The following PRRC2C variants were observed in gnomAD, a reference collection of about 807,000 sequenced individuals.
PRRC2C encodes protein PRRC2C.
Under a neutral mutation model 317.2 loss-of-function variants are expected in PRRC2C, and 72 were observed. That is an observed-to-expected ratio of 0.23 (90% confidence interval 0.19 to 0.28). The LOEUF is 0.28. PRRC2C is among the 10% of genes least tolerant of loss of function. The pLI, the probability that PRRC2C is intolerant of heterozygous loss-of-function variation, is 1.00. For synonymous variants in PRRC2C, 1,296 were observed against 1,205.9 expected (o/e 1.07, Z -1.55); for missense variants, 3,074 against 3,459.7 (o/e 0.89, Z 2.80).
chr1:171,496,487 G>T (rs151048369), intron 1 of PRRC2C, among the ~76,000 whole-genome samples: 1 of 152,178 alleles, frequency 6.6e-6, no homozygotes, highest in Non-Finnish European at 1.5e-5. Context: ...ACAGATGTGA[G>T]CCACTGCGCC....
chr1:171,557,771 G>A lies in PRRC2C; in HGVS notation c.5659G>A (p.Ala1887Thr), dbSNP rs12025905. 231,682 of 1,550,894 alleles carry A rather than the reference G, an allele frequency of 0.15. 17,946 individuals carry two copies. Among genetic ancestry groups the A allele is most frequent in the Non-Finnish European group, 0.16 (184,823 of 1,146,832 alleles). The change falls in exon 19 of 35, where the codon GCC becomes ACC. Residue 1887 changes from alanine (A) to threonine (T), a missense_variant. Physicochemically the swap from Ala to Thr is moderately conservative, Grantham distance 58 (BLOSUM62 0). Around this residue, in one of 11 missense-constraint regions of PRRC2C, gnomAD observed 640 missense variants for 676.1 expected, o/e 0.95. Coordinates refer to ENST00000647382, the MANE Select transcript of PRRC2C (RefSeq NM_001387844.1). ...AGCCCCAGCAGCCTCTTCCCCAGCT[G>A]CCCCAGTCATCACAGCACCAACTAT... ...TPAPAASSPA[A>T]PVITAPTIPA...
chr1:171,500,088 A>G (rs1668814294), intron 1 of PRRC2C, among the ~76,000 whole-genome samples: 1 of 152,178 alleles, frequency 6.6e-6, no homozygotes, highest in Non-Finnish European at 1.5e-5. Context: ...TTCCAGGGGA[A>G]CTGAACTCTC....
In PRRC2C at chr1:171,587,069, A is replaced by G. The variant is rs1464747827; in HGVS notation, c.7816A>G (p.Ile2606Val). Residue 2606 changes from isoleucine to valine, a missense_variant, in exon 31 of 35, where the codon ATT (isoleucine) becomes GTT (valine). Physicochemically the swap from Ile to Val is conservative, Grantham distance 29. Transcript: ENST00000647382. Reference protein sequence around the residue: ...PNFGSTGQPLIALPQTLQPPL... With the variant: ...PNFGSTGQPLVALPQTLQPPL... ...TTTTGGATCTACAGGGCAACCTCTAATTGCTTTGCCTCAGACTCTTCAGCC... is the reference window on the plus strand; with the variant it reads ...TTTTGGATCTACAGGGCAACCTCTAGTTGCTTTGCCTCAGACTCTTCAGCC... 2.2e-5 allele frequency: 36 copies of G among 1,612,174 alleles called. No homozygotes were observed. Among genetic ancestry groups the G allele is most frequent in the Non-Finnish European group, 3.1e-5 (36 of 1,179,200 alleles).
intron 9 of PRRC2C, 120 bp from the exon 10 acceptor site, chr1:171,524,701 T>G: frequency 1.9e-6 from 2 of 1,032,490 alleles, no homozygotes; most frequent in Non-Finnish European, 2.7e-6. Flanking sequence ...CCCATCTCAT[T>G]CCTTAATACA....
chr1:171,577,464 G>A lies in PRRC2C; in HGVS notation c.6986G>A (p.Ser2329Asn). The A allele has an allele frequency of 6.2e-7, 1 of 1,611,850 alleles. No individual in the cohort carries two copies. Among genetic ancestry groups the A allele is most frequent in the Non-Finnish European group, 8.5e-7 (1 of 1,178,346 alleles). ...GAGTYTTSSLSTKSTTTSDPP... is the reference protein window; with the variant it reads ...GAGTYTTSSLNTKSTTTSDPP... ...GGTACATACACTACCTCTTCTTTGA[G>A]CACAAAATCTACAACCACATCGGAC... The change falls in exon 26 of 35, where the codon AGC becomes AAC. Residue 2329 changes from serine to asparagine, a missense_variant. This residue lies in a region of PRRC2C where 490 missense variants were observed against 663.1 expected (regional missense o/e 0.74). Transcript: ENST00000647382.
Position 171,541,856 on chromosome 1 carries a change from A to G in PRRC2C, c.4390A>G (p.Asn1464Asp). 6.2e-7 allele frequency: 1 copy of G among 1,613,880 alleles called. No individual in the cohort carries two copies. Among genetic ancestry groups the G allele is most frequent in the South Asian group, 1.1e-5 (1 of 91,074 alleles). ...AGCAGTGCCCACAAATGGCACAGTT[A>G]ATAATGTGGCTCAAGAACCAGTTAA... ...VVAVPTNGTVNNVAQEPVNTL... is the reference protein window; with the variant it reads ...VVAVPTNGTVDNVAQEPVNTL... The change falls in exon 16 of 35, where the codon AAT becomes GAT. Residue 1464 changes from asparagine (N) to aspartate (D), a missense_variant. Asn to Asp is a conservative substitution (Grantham distance 23). Coordinates refer to ENST00000647382, the MANE Select transcript of PRRC2C (RefSeq NM_001387844.1). This position sits in a 1 kb window ranked among gnomAD's most constrained non-coding sequence, Gnocchi z 4.1.
intron 1 of PRRC2C, chr1:171,510,913 T>A (rs968124109): frequency 6.6e-6 from 1 of 152,196 alleles, no homozygotes; most frequent in African/African-American, 2.4e-5. Context: ...GAGGTGAGAA[T>A]GCCTGATAAA....
intron 28 of PRRC2C, among the ~76,000 whole-genome samples, chr1:171,580,209 A>C (rs1027358815): frequency 2.6e-5 from 4 of 152,186 alleles, no homozygotes; most frequent in African/African-American, 9.7e-5. Context: ...GCAACCCCAA[A>C]ACTGTTAGAA....
intron 20 of PRRC2C, among the ~76,000 whole-genome samples, chr1:171,565,940 C>T (rs1683566521): frequency 6.6e-6 from 1 of 152,078 alleles, no homozygotes; most frequent in African/African-American, 2.4e-5. Context: ...GTTGCTTTTA[C>T]GTTTGTTTTA....
In PRRC2C at chr1:171,540,141, A is replaced by G; in HGVS notation, c.2675A>G (p.Asn892Ser). Residue 892 changes from asparagine to serine, a missense_variant, in exon 16 of 35, where the codon AAT becomes AGT. Physicochemically the swap from Asn to Ser is conservative, Grantham distance 46. This residue lies in a region of PRRC2C where 1,320 missense variants were observed against 1,395.7 expected (regional missense o/e 0.95). Coordinates refer to ENST00000647382, the MANE Select transcript of PRRC2C (RefSeq NM_001387844.1). ...EDVRPHHTDA[N>S]NQSACFEAPD... is the part of the protein sequence containing the mutation. ...GTTAGACCTCACCATACTGATGCAA[A>G]TAATCAGTCTGCTTGTTTTGAAGCA... 1.2e-6 allele frequency: 2 copies of G among 1,613,936 alleles called. No individual in the cohort carries two copies. The highest frequency in any genetic ancestry group is 2.2e-5 in the South Asian group (2 of 91,070).
intron 19 of PRRC2C, among the ~76,000 whole-genome samples, chr1:171,558,660 G>A (rs890417514): frequency 6.6e-6 from 1 of 152,156 alleles, no homozygotes; most frequent in African/African-American, 2.4e-5. Context: ...TAAATGTTTT[G>A]TGTGTTCTGA....
At chr1:171,488,011 C>T (rs1666442035) in intron 1 of PRRC2C, among the ~76,000 whole-genome samples, 1 of 56,616 alleles carries the variant, frequency 1.8e-5, no homozygotes, top group African/African-American at 6.0e-5. Flanking sequence ...GAAGTTCTGG[C>T]TCATTCCAGC....
At chr1:171,521,059 C>T (rs1673463508) in intron 6 of PRRC2C, among the ~76,000 whole-genome samples, 2 of 152,052 alleles carry the variant, frequency 1.3e-5, no homozygotes, top group African/African-American at 2.4e-5. Context: ...CCGCTTCGGC[C>T]TCCCAAAGTG....
intron 11 of PRRC2C, 94 bp downstream of exon 11, chr1:171,527,938 A>G (rs1235447713): frequency 3.0e-6 from 3 of 1,007,410 alleles, no homozygotes; most frequent in Non-Finnish European, 4.5e-6. Context: ...AACTTTTATG[A>G]AACAGTTACT....
In PRRC2C at chr1:171,540,053, G is replaced by A. The variant is rs963494016; in HGVS notation, c.2587G>A (p.Asp863Asn). ...HNQLEAHPKADFIRESSEAQV... is the reference protein window; with the variant it reads ...HNQLEAHPKANFIRESSEAQV... Reference sequence around the variant, plus strand: ...TCAATTAGAGGCTCACCCAAAGGCAGACTTTATCAGAGAATCAAGTGAGGC... The same window carrying A: ...TCAATTAGAGGCTCACCCAAAGGCAAACTTTATCAGAGAATCAAGTGAGGC... Residue 863 changes from aspartate to asparagine, a missense_variant, in exon 16 of 35, where the codon GAC (aspartate) becomes AAC (asparagine). Physicochemically the swap from Asp to Asn is conservative, Grantham distance 23. This residue lies in a region of PRRC2C where 1,320 missense variants were observed against 1,395.7 expected (regional missense o/e 0.95). Transcript: ENST00000647382. 1.2e-6 allele frequency: 2 copies of A among 1,613,838 alleles called. No homozygotes were observed. Among genetic ancestry groups the A allele is most frequent in the Non-Finnish European group, 1.7e-6 (2 of 1,179,870 alleles).
rs530214687 is a variant in PRRC2C, at chr1:171,541,206, G to A, written c.3740G>A (p.Arg1247Gln). The A allele has an allele frequency of 7.4e-5, 120 of 1,613,364 alleles. No individual in the cohort carries two copies. Among genetic ancestry groups the A allele is most frequent in the South Asian group, 4.9e-4 (45 of 90,984 alleles). The change falls in exon 16 of 35, where the codon CGG becomes CAG. Residue 1247 changes from arginine (R) to glutamine (Q), a missense_variant. Arg to Gln is a conservative substitution (Grantham distance 43). This residue lies in a region of PRRC2C where 1,320 missense variants were observed against 1,395.7 expected (regional missense o/e 0.95). Transcript: ENST00000647382. The surrounding 1 kb of genome is among the most constrained non-coding windows in gnomAD (Gnocchi z 4.1). The part of the protein sequence containing the change: ...PLRQREESET[R>Q]SESSDFEVVP... ...AGACAGCGAGAAGAAAGTGAAACACGGAGTGAGAGCTCTGATTTTGAAGTT... is the reference window on the plus strand; with the variant it reads ...AGACAGCGAGAAGAAAGTGAAACACAGAGTGAGAGCTCTGATTTTGAAGTT...
At chr1:171,553,066 A>G (rs994827945) in intron 18 of PRRC2C, among the ~76,000 whole-genome samples, 1 of 152,228 alleles carries the variant, frequency 6.6e-6, no homozygotes, top group Middle Eastern at 3.2e-3. Flanking sequence ...CTCTGGTAGA[A>G]TTCAGCTCTG....
At chr1:171,494,206 A>AC (rs1557853640) in intron 1 of PRRC2C, among the ~76,000 whole-genome samples, 1 of 152,234 alleles carries the variant, frequency 6.6e-6, no homozygotes, top group Non-Finnish European at 1.5e-5. Flanking sequence ...AGTTTTTAGT[A>AC]CAGAAAATTT....
rs1381644853 is a variant in PRRC2C, at chr1:171,587,087, C to G, written c.7834C>G (p.Leu2612Val). The G allele has an allele frequency of 6.2e-7, 1 of 1,611,888 alleles. No individual in the cohort carries two copies. The highest frequency in any genetic ancestry group is 1.3e-5 in the African/African-American group (1 of 74,888). The change falls in exon 31 of 35, where the codon CTT (leucine) becomes GTT (valine). Residue 2612 changes from leucine to valine, a missense_variant. Leu to Val is a conservative substitution (Grantham distance 32). Coordinates refer to ENST00000647382, the MANE Select transcript of PRRC2C (RefSeq NM_001387844.1). ...ACCTCTAATTGCTTTGCCTCAGACTCTTCAGCCCCCATTACAGCATACCAC... is the reference window on the plus strand; with the variant it reads ...ACCTCTAATTGCTTTGCCTCAGACTGTTCAGCCCCCATTACAGCATACCAC... ...GQPLIALPQTLQPPLQHTTPQ... is the reference protein window; with the variant it reads ...GQPLIALPQTVQPPLQHTTPQ...
Sources: gnomAD v4.1 joint callset for allele counts (sites outside exome capture counted in the v4.1 genomes callset) on GRCh38, gnomAD v4.1.1 for gene constraint, gnomAD v4.1.1 regional missense constraint, Gnocchi (gnomAD v3.1) non-coding constraint, MANE v1.5 for transcripts, NCBI Gene and HGNC (gene_info 2026-07-23, HGNC 2026-07-21) for gene names.